The following COL11A1 variants were observed in gnomAD, a reference collection of about 807,000 sequenced individuals.
The protein encoded by COL11A1 is collagen alpha-1(XI) chain.
In COL11A1, 74 loss-of-function variants were observed where a neutral mutation model predicts 265.2. The observed-to-expected ratio is 0.28, with a 90% confidence interval of 0.23 to 0.34. COL11A1 has a LOEUF of 0.34. Among genes scored for constraint, COL11A1 ranks in the 10% least tolerant of loss-of-function variants. The pLI is 1.00. For synonymous variants in COL11A1, 816 were observed against 727.6 expected (o/e 1.12, Z -1.96); for missense variants, 2,165 against 2,263.6 (o/e 0.96, Z 0.88).
chr1:102,999,396 G>A (rs1194899012), intron 24 of COL11A1, among the ~76,000 whole-genome samples: 1 of 151,874 alleles, frequency 6.6e-6, no homozygotes, highest in East Asian at 1.9e-4. Context: ...CGTCTTCAAA[G>A]TTCCTCCCTT....
Position 103,022,803 on chromosome 1 carries a change from C to G in COL11A1, c.1184G>C (p.Ser395Thr). Residue 395 changes from serine to threonine, a missense_variant, in exon 8 of 67, where the codon AGC (serine) becomes ACC (threonine). Coordinates refer to ENST00000370096, the MANE Select transcript of COL11A1 (RefSeq NM_001854.4). ...EYKEYEDKPT[S>T]PPNEEFGPGV... ...TGGACCAAATTCTTCATTAGGGGGG[C>G]TTGTTGGTTTATCTTCATATTCTTT... 6.2e-7 allele frequency: 1 copy of G among 1,613,688 alleles called. No individual in the cohort carries two copies. The highest frequency in any genetic ancestry group is 8.5e-7 in the Non-Finnish European group (1 of 1,179,918).
At chr1:102,878,279 AAAAAC>A in intron 66 of COL11A1, 114 bp from the exon 67 acceptor site, 4 of 910,394 alleles carry the variant, frequency 4.4e-6, no homozygotes, top group Non-Finnish European at 6.5e-6. Context: ...AAGAGAATAG[AAAAAC>A]AAATTTTCTA....
At chr1:103,075,457 A>G (rs1671901764) in intron 3 of COL11A1, among the ~76,000 whole-genome samples, 1 of 151,946 alleles carries the variant, frequency 6.6e-6, no homozygotes. Flanking sequence ...GAAAGAAAAC[A>G]TAGTCAACGC....
chr1:103,049,080 T>C (rs1669562279), intron 4 of COL11A1, among the ~76,000 whole-genome samples: 1 of 152,312 alleles, frequency 6.6e-6, no homozygotes, highest in Non-Finnish European at 1.5e-5. Context: ...ATGCTGTTGA[T>C]TTGGGGTGGA....
intron 41 of COL11A1, among the ~76,000 whole-genome samples, chr1:102,958,325 T>G (rs985985465): frequency 6.6e-6 from 1 of 152,114 alleles, no homozygotes; most frequent in African/African-American, 2.4e-5. Context: ...GATTCTTTTT[T>G]TTTTCAATAT....
chr1:102,916,554 T>A (rs1275711003), intron 49 of COL11A1, among the ~76,000 whole-genome samples: 1 of 152,086 alleles, frequency 6.6e-6, no homozygotes, highest in Non-Finnish European at 1.5e-5. Context: ...ACTTTTTAAC[T>A]CTAATATTTC....
chr1:102,940,610 TA>T (rs1441598120), intron 42 of COL11A1, among the ~76,000 whole-genome samples, 176 bp from the exon 43 acceptor site: 1 of 152,218 alleles, frequency 6.6e-6, no homozygotes, highest in East Asian at 1.9e-4. Flanking sequence ...ACTATTTTTT[TA>T]AATCACTTAT....
chr1:103,018,823 G>T lies in COL11A1; in HGVS notation c.1345C>A (p.Pro449Thr), dbSNP rs1262054654. Residue 449 changes from proline (P) to threonine (T), a missense_variant, in exon 10 of 67, where the codon CCT (proline) becomes ACT (threonine). Pro to Thr is a conservative substitution (Grantham distance 38, BLOSUM62 -1). Transcript: ENST00000370096. ...LVEGPPGPAG[P>T]AGIMGPPGLQ... ...ATCTTAAAACATTTACATACTGCAG[G>T]TCCTGCTGGTCCTGGTGGTCCTTCG... is the stretch of plus-strand genomic sequence containing the variant. 1.9e-6 allele frequency: 3 copies of T among 1,611,330 alleles called. No individual in the cohort carries two copies. The highest frequency in any genetic ancestry group is 2.7e-5 in the African/African-American group (2 of 74,796).
In COL11A1 at chr1:102,923,290, C is replaced by T. The variant is rs552782841; in HGVS notation, c.3654+46G>A. The T allele has an allele frequency of 1.6e-5, 23 of 1,452,902 alleles. No homozygotes were observed. In the South Asian group the frequency reaches 2.7e-4, roughly 17 times the overall value. 90.0% of individuals were successfully genotyped at this position (1,452,902 alleles called of 1,614,324 possible). ...TAATACTTTACAAACCAGTGACTGCCATGCATATAACACATACCCATCAAA... is the reference window on the plus strand; with the variant it reads ...TAATACTTTACAAACCAGTGACTGCTATGCATATAACACATACCCATCAAA... On this transcript the variant is annotated intron_variant, in intron 47 of 66. Transcript: ENST00000370096.
intron 28 of COL11A1, among the ~76,000 whole-genome samples, chr1:102,991,803 T>C (rs1444409911): frequency 6.6e-6 from 1 of 151,728 alleles, no homozygotes. Flanking sequence ...ACTGTTATCT[T>C]GCATACTCAA....
chr1:103,010,580 C>T (rs1666025443), intron 14 of COL11A1, among the ~76,000 whole-genome samples: 1 of 151,226 alleles, frequency 6.6e-6, no homozygotes, highest in Admixed American at 6.6e-5. Flanking sequence ...TAATGTGCCT[C>T]CCTTGTTTCT....
Position 102,881,672 on chromosome 1 carries a change from G to A in COL11A1, c.5040+25C>T, listed in dbSNP as rs372859034. 30 of 1,577,866 alleles carry A rather than the reference G, an allele frequency of 1.9e-5. No homozygotes were observed. The African/African-American group carries it at 2.2e-4, about 11-fold the overall frequency. ...TCACTTCTTGAGTTCGTGAAAAATCGTTTCATGTTGAGGTAATAACATACC... is the reference window on the plus strand; with the variant it reads ...TCACTTCTTGAGTTCGTGAAAAATCATTTCATGTTGAGGTAATAACATACC... On this transcript the variant is annotated intron_variant, in intron 65 of 66. Coordinates refer to ENST00000370096, the MANE Select transcript of COL11A1 (RefSeq NM_001854.4).
In COL11A1 at chr1:103,068,895, G is replaced by C. The variant is rs574816654; in HGVS notation, c.651+5723C>G. Among the ~76,000 whole-genome samples, 12 of 150,436 alleles carry C rather than the reference G, an allele frequency of 8.0e-5. No homozygotes were observed. The East Asian group carries it at 9.7e-4, about 12-fold the overall frequency. The stretch of plus-strand genomic sequence containing the variant: ...TCCAAGACATTTACCCTGAAAACTA[G>C]AAAACATTGTAAAAAAAAATTAAAC... On this transcript the variant is annotated intron_variant, in intron 4 of 66. Coordinates refer to ENST00000370096, the MANE Select transcript of COL11A1 (RefSeq NM_001854.4).
intron 4 of COL11A1, among the ~76,000 whole-genome samples, chr1:103,063,488 T>C (rs2102212863): frequency 6.6e-6 from 1 of 152,234 alleles, no homozygotes; most frequent in South Asian, 2.1e-4. Flanking sequence ...TTTCAACTAA[T>C]AGTGCTGGAA....
intron 4 of COL11A1, among the ~76,000 whole-genome samples, chr1:103,061,706 G>T (rs1670691190): frequency 6.6e-6 from 1 of 151,850 alleles, no homozygotes; most frequent in African/African-American, 2.4e-5. Context: ...TTCTTTGAGG[G>T]AAATCTATAG....
Position 102,921,358 on chromosome 1 carries a change from A to T in COL11A1, c.3708+160T>A, listed in dbSNP as rs554899036. Among the ~76,000 whole-genome samples the T allele has an allele frequency of 6.4e-4, 97 of 152,308 alleles. 1 individual carries two copies. The highest frequency in any genetic ancestry group is 2.3e-3 in the African/African-American group (96 of 41,558). On this transcript the variant is annotated intron_variant, in intron 48 of 66. Coordinates refer to ENST00000370096, the MANE Select transcript of COL11A1 (RefSeq NM_001854.4). ...GTTCACTATAAATTCCATTTATTTC[A>T]TTGTATAATAAAGTGGAGTGAATAG...
chr1:102,914,557 A>G (rs904516609), intron 51 of COL11A1, 147 bp downstream of exon 51: 24 of 976,052 alleles, frequency 2.5e-5, no homozygotes, highest in Middle Eastern at 3.2e-4. Flanking sequence ...AATTAATTCA[A>G]TTGAGAATGC....
chr1:103,040,432 T>C (rs1210386669), intron 4 of COL11A1, among the ~76,000 whole-genome samples: 1 of 151,618 alleles, frequency 6.6e-6, no homozygotes, highest in Non-Finnish European at 1.5e-5. Flanking sequence ...TATGTTAACA[T>C]GAATCAAGAC....
intron 5 of COL11A1, among the ~76,000 whole-genome samples, chr1:103,028,191 C>T (rs1667702419): frequency 6.6e-6 from 1 of 151,982 alleles, no homozygotes; most frequent in Non-Finnish European, 1.5e-5. Flanking sequence ...ACACCATGCC[C>T]GGCTAATTTT....
Sources: allele counts gnomAD v4.1 joint callset (sites outside exome capture counted in the v4.1 genomes callset), GRCh38; gene constraint gnomAD v4.1.1; transcripts MANE v1.5; gene names NCBI Gene and HGNC (gene_info 2026-07-23, HGNC 2026-07-21).